The following GREB1L variants were observed in gnomAD, a reference collection of about 807,000 sequenced individuals.
The protein encoded by GREB1L is GREB1-like protein.
In GREB1L, 17 loss-of-function variants were observed where a neutral mutation model predicts 200.8. That is an observed-to-expected ratio of 0.08 (90% CI 0.06 to 0.13). The LOEUF is 0.13. Among genes scored for constraint, GREB1L ranks in the 10% least tolerant of loss-of-function variants. The pLI is 1.00. For synonymous variants in GREB1L, 789 were observed against 893.0 expected (o/e 0.88, Z 2.08); for missense variants, 1,657 against 2,367.7 (o/e 0.70, Z 6.23).
At chr18:21,432,684 A>G (rs1034256355) in intron 7 of GREB1L, among the ~76,000 whole-genome samples, 1 of 130,252 alleles carries the variant, frequency 7.7e-6, no homozygotes, top group Non-Finnish European at 1.7e-5. Context: ...ATTAAAAATT[A>G]TTTAACATTT....
intron 25 of GREB1L, among the ~76,000 whole-genome samples, 174 bp downstream of exon 25, chr18:21,506,123 G>A (rs568676117): frequency 1.2e-4 from 18 of 152,182 alleles, no homozygotes; most frequent in African/African-American, 3.9e-4. Context: ...GGCTGGGCGC[G>A]GTGGCTCACC....
In GREB1L at chr18:21,513,290, G is replaced by T. The variant is rs76668041; in HGVS notation, c.4736-531G>T. 8.1e-3 allele frequency among the ~76,000 whole-genome samples: 1,235 copies of T among 152,234 alleles called. 19 individuals carry two copies. Among genetic ancestry groups the T allele is most frequent in the African/African-American group, 0.027 (1,123 of 41,518 alleles). ...GGAAAGGGTGCCAGTTTCCAGAGTT[G>T]TCTTCTTCAAAGAAGCTGCCGTCAG... On this transcript the variant is annotated intron_variant, in intron 27 of 32. Transcript: ENST00000424526.
At chr18:21,463,743 A>T (rs9635908) in intron 15 of GREB1L, among the ~76,000 whole-genome samples, 1 of 151,876 alleles carries the variant, frequency 6.6e-6, no homozygotes, top group Admixed American at 6.6e-5. Flanking sequence ...ACACTTGGCT[A>T]ATTTTTTTTA....
chr18:21,343,014 G>T (rs2143029084), intron 1 of GREB1L, among the ~76,000 whole-genome samples: 1 of 152,150 alleles, frequency 6.6e-6, no homozygotes. Context: ...CTTTGAGGAA[G>T]ATTTTTGACC....
At chr18:21,335,254 G>A (rs2039166939) in intron 1 of GREB1L, among the ~76,000 whole-genome samples, 1 of 152,192 alleles carries the variant, frequency 6.6e-6, no homozygotes, top group Admixed American at 6.5e-5. Flanking sequence ...ATACTTTGGA[G>A]CCTAGCCTTT....
intron 1 of GREB1L, among the ~76,000 whole-genome samples, chr18:21,327,343 C>T (rs547429843): frequency 6.6e-6 from 1 of 152,260 alleles, no homozygotes; most frequent in South Asian, 2.1e-4. Context: ...GCTTCCCTCC[C>T]TTCCTCATGT....
intron 1 of GREB1L, among the ~76,000 whole-genome samples, chr18:21,346,413 A>T (rs1486778677): frequency 6.6e-6 from 1 of 151,326 alleles, no homozygotes; most frequent in Non-Finnish European, 1.5e-5. Context: ...CTTAACACTC[A>T]TTCACGGCTA....
At chr18:21,289,205 G>T (rs2038407105) in intron 1 of GREB1L, among the ~76,000 whole-genome samples, 1 of 152,100 alleles carries the variant, frequency 6.6e-6, no homozygotes, top group African/African-American at 2.4e-5. Context: ...CTTTCCTTCT[G>T]TTTCCTAGAC....
chr18:21,325,923 T>G (rs532008475), intron 1 of GREB1L, among the ~76,000 whole-genome samples: 2 of 151,922 alleles, frequency 1.3e-5, no homozygotes, highest in Non-Finnish European at 1.5e-5. Flanking sequence ...CTAGCCTAAT[T>G]GGACAGAAGT....
intron 1 of GREB1L, among the ~76,000 whole-genome samples, chr18:21,352,022 A>G (rs1288940896): frequency 6.6e-6 from 1 of 151,768 alleles, no homozygotes; most frequent in Non-Finnish European, 1.5e-5. Flanking sequence ...TAATTTTTGT[A>G]TTTTTAGTAG....
In GREB1L at chr18:21,522,841, C is replaced by T; in HGVS notation, c.*20C>T. 1.3e-6 allele frequency: 2 copies of T among 1,528,494 alleles called. No homozygotes were observed. Among genetic ancestry groups the T allele is most frequent in the Non-Finnish European group, 1.8e-6 (2 of 1,135,748 alleles). The allele number at this position is 1,528,494 out of a possible 1,614,324, so 94.7% of individuals were successfully genotyped here. A position where few individuals can be genotyped will look rare whatever the true frequency, so the allele number is the denominator to read the frequency against. On this transcript the variant is annotated 3_prime_UTR_variant, in exon 33 of 33. Coordinates refer to ENST00000424526, the MANE Select transcript of GREB1L (RefSeq NM_001142966.3). ...GTATGAGCTTTTGAAGAGACCAAAA[C>T]AGCAAAAAGATGCCTAGGTGGGATG...
At chr18:21,502,136 C>T (rs1029774822) in intron 23 of GREB1L, among the ~76,000 whole-genome samples, 11 of 152,004 alleles carry the variant, frequency 7.2e-5, no homozygotes, top group African/African-American at 2.4e-4. Flanking sequence ...CCTGTTATCC[C>T]AGCTACTTGG....
At chr18:21,502,449 T>A (rs76886800) in intron 23 of GREB1L, among the ~76,000 whole-genome samples, 3,452 of 151,990 alleles carry the variant, frequency 0.023, 137 homozygotes, top group African/African-American at 0.08. Flanking sequence ...CTCTTGGAGA[T>A]CTCACCTCAC....
intron 7 of GREB1L, among the ~76,000 whole-genome samples, chr18:21,405,342 C>T (rs1324314404): frequency 4.6e-5 from 7 of 152,260 alleles, no homozygotes; most frequent in East Asian, 3.9e-4. Context: ...TGATTGATCC[C>T]GTGATATGTT....
At chr18:21,254,835 A>G (rs1471255124) in intron 1 of GREB1L, among the ~76,000 whole-genome samples, 1 of 152,106 alleles carries the variant, frequency 6.6e-6, no homozygotes, top group Admixed American at 6.6e-5. Flanking sequence ...GAGTCAGAAA[A>G]AGGCTCTTTA....
intron 4 of GREB1L, among the ~76,000 whole-genome samples, chr18:21,386,505 G>A (rs1316975200): frequency 6.6e-6 from 1 of 151,534 alleles, no homozygotes; most frequent in Non-Finnish European, 1.5e-5. Context: ...TGACCAGGCT[G>A]GTCTTGAACT....
In GREB1L at chr18:21,500,291, G is replaced by A. The variant is rs956207058; in HGVS notation, c.3954G>A (p.Leu1318=). The change falls in exon 22 of 33, where the codon CTG becomes CTA. Residue 1318 remains leucine (L), a synonymous_variant. Coordinates refer to ENST00000424526, the MANE Select transcript of GREB1L (RefSeq NM_001142966.3). The part of the protein sequence containing the change: ...TRNFHPRRLL[L]TGPPQVGKTG... ...ACTTCCACCCCCGACGGCTCCTGCT[G>A]ACAGGGCCCCCACAGGTAGGGCCAA... 7.5e-6 allele frequency: 10 copies of A among 1,324,604 alleles called. No individual in the cohort carries two copies. The African/African-American group carries it at 1.4e-4, about 19-fold the overall frequency. 82.1% of individuals were successfully genotyped at this position (1,324,604 alleles called of 1,614,324 possible). A position where few individuals can be genotyped will look rare whatever the true frequency, so the allele number is the denominator to read the frequency against.
intron 1 of GREB1L, among the ~76,000 whole-genome samples, chr18:21,312,385 G>C (rs8098861): frequency 0.17 from 25,313 of 151,996 alleles, 4,935 homozygotes; most frequent in African/African-American, 0.47. Flanking sequence ...GTTTTTAGCT[G>C]TTTCAGGAAT....
At chr18:21,482,313 A>G (rs538875918) in intron 17 of GREB1L, among the ~76,000 whole-genome samples, 2 of 152,374 alleles carry the variant, frequency 1.3e-5, no homozygotes, top group South Asian at 4.1e-4. Context: ...GTTGGAGTGC[A>G]GTGGCACGAT....
Sources: gnomAD v4.1 joint callset for allele counts (sites outside exome capture counted in the v4.1 genomes callset) on GRCh38, gnomAD v4.1.1 for gene constraint, MANE v1.5 for transcripts, NCBI Gene and HGNC (gene_info 2026-07-23, HGNC 2026-07-21) for gene names.